AGBL1: variants seen among roughly 807,000 people sequenced by gnomAD.
The protein encoded by AGBL1 is cytosolic carboxypeptidase 4.
In AGBL1, 130 loss-of-function variants were observed where a neutral mutation model predicts 118.9. The observed-to-expected ratio is 1.09, with a 90% confidence interval of 0.95 to 1.26. The LOEUF is 1.26. AGBL1 is among the 50% of genes most tolerant of loss of function. The pLI is 0.00. For missense variants in AGBL1, 1,584 were observed against 1,298.1 expected (o/e 1.22, Z -3.38); for synonymous variants, 555 against 478.9 (o/e 1.16, Z -2.08).
At chr15:86,093,895 A>G (rs1431427029) in intron 1 of AGBL1, among the ~76,000 whole-genome samples, 2 of 152,194 alleles carry the variant, frequency 1.3e-5, no homozygotes, top group Non-Finnish European at 2.9e-5. Context: ...ATAATATTCT[A>G]TGACAATAGC....
intron 22 of AGBL1, among the ~76,000 whole-genome samples, chr15:86,709,726 T>C (rs1468534138): frequency 6.6e-6 from 1 of 152,164 alleles, no homozygotes; most frequent in Non-Finnish European, 1.5e-5. Flanking sequence ...ATGGAAACCA[T>C]ATGGATGTTA....
intron 22 of AGBL1, among the ~76,000 whole-genome samples, chr15:86,898,179 C>T (rs1368111870): frequency 4.6e-5 from 7 of 152,160 alleles, no homozygotes; most frequent in Non-Finnish European, 7.3e-5. Flanking sequence ...AATAAATACA[C>T]ATTTTTGGGA....
At chr15:86,781,065 A>T (rs1217746917) in intron 22 of AGBL1, among the ~76,000 whole-genome samples, 1 of 152,130 alleles carries the variant, frequency 6.6e-6, no homozygotes, top group Non-Finnish European at 1.5e-5. Flanking sequence ...TTCTGATGTT[A>T]TTGTAAATAG....
chr15:86,145,156 A>G (rs1410731846), intron 3 of AGBL1, among the ~76,000 whole-genome samples: 1 of 152,164 alleles, frequency 6.6e-6, no homozygotes, highest in Admixed American at 6.5e-5. Context: ...TCTAATTTGT[A>G]ATAAAATCTG....
At chr15:86,681,555 G>A (rs911290876) in intron 22 of AGBL1, among the ~76,000 whole-genome samples, 2 of 152,138 alleles carry the variant, frequency 1.3e-5, no homozygotes, top group Non-Finnish European at 2.9e-5. Context: ...ACCACCTCTA[G>A]GTTGTGCTTC....
In AGBL1 at chr15:86,390,760, A is replaced by T. The variant is rs570855680; in HGVS notation, c.2375-6606A>T. Among the ~76,000 whole-genome samples the T allele has an allele frequency of 3.7e-5, 5 of 134,184 alleles. No homozygotes were observed. In the South Asian group the frequency reaches 9.5e-4, roughly 26 times the overall value. The allele number at this position is 134,184 out of a possible 152,430, so 88.0% of individuals were successfully genotyped here. The stretch of plus-strand genomic sequence containing the variant: ...TCTTGGCTCACTGCAAACTCCGCCT[A>T]TTGAGTTCTAGCGATTCTCCTGCCT... On this transcript the variant is annotated intron_variant, in intron 17 of 22. Transcript: ENST00000614907.
intron 22 of AGBL1, among the ~76,000 whole-genome samples, chr15:86,867,258 C>T (rs1347770416): frequency 3.3e-5 from 5 of 152,172 alleles, no homozygotes; most frequent in East Asian, 1.9e-4. Flanking sequence ...TCTTTACCCA[C>T]GTTGGTCACA....
At chr15:86,283,420 A>G (rs977040510) in intron 16 of AGBL1, among the ~76,000 whole-genome samples, 2 of 151,078 alleles carry the variant, frequency 1.3e-5, no homozygotes, top group Non-Finnish European at 3.0e-5. Context: ...AATTTTTACC[A>G]GACACATATA....
intron 21 of AGBL1, among the ~76,000 whole-genome samples, chr15:86,583,271 G>A (rs1004961070): frequency 3.3e-5 from 5 of 151,960 alleles, no homozygotes; most frequent in African/African-American, 1.2e-4. Flanking sequence ...CAAGGTACTG[G>A]TACCTAAAAT....
intron 5 of AGBL1, among the ~76,000 whole-genome samples, chr15:86,189,702 T>C (rs1313339905): frequency 6.6e-6 from 1 of 152,188 alleles, no homozygotes; most frequent in Middle Eastern, 3.2e-3. Flanking sequence ...AGAGGAAGCT[T>C]CTGGAAGCCC....
chr15:86,886,936 C>G (rs780950376), intron 22 of AGBL1, among the ~76,000 whole-genome samples: 7 of 152,052 alleles, frequency 4.6e-5, no homozygotes, highest in Non-Finnish European at 1.0e-4. Flanking sequence ...GTGTGTAATA[C>G]CAAGTCTCCA....
intron 23 of AGBL1, among the ~76,000 whole-genome samples, chr15:86,957,658 C>A (rs577453014): frequency 6.6e-6 from 1 of 152,136 alleles, no homozygotes; most frequent in Non-Finnish European, 1.5e-5. Flanking sequence ...TTTGAATGAT[C>A]TTTCAGAGTA....
intron 22 of AGBL1, among the ~76,000 whole-genome samples, chr15:86,857,766 C>A (rs1015058477): frequency 1.3e-5 from 2 of 152,196 alleles, no homozygotes; most frequent in Non-Finnish European, 2.9e-5. Flanking sequence ...ATCCCTGGCC[C>A]CCAGGATGGC....
At chr15:86,453,284 G>C (rs2082217961) in intron 18 of AGBL1, among the ~76,000 whole-genome samples, 1 of 152,194 alleles carries the variant, frequency 6.6e-6, no homozygotes, top group African/African-American at 2.4e-5. Context: ...AATATAGATA[G>C]CTATTCCCAC....
rs377029970 is a variant in AGBL1 at position 86,807,795 on chromosome 15, T to C, written c.3159-99292T>C. ...CCTATTGTCAAATAGGGAAAACAAA[T>C]CCTGACTTGTAGCACTTTTGTTATC... On this transcript the variant is annotated intron_variant, in intron 22 of 22. Transcript: ENST00000614907. Among the ~76,000 whole-genome samples, 85 of 152,256 alleles carry C rather than the reference T, an allele frequency of 5.6e-4. No individual in the cohort carries two copies. The East Asian group carries it at 0.01, about 19-fold the overall frequency.
intron 9 of AGBL1, among the ~76,000 whole-genome samples, chr15:86,261,920 C>T (rs940837724): frequency 1.3e-5 from 2 of 152,044 alleles, no homozygotes; most frequent in Non-Finnish European, 2.9e-5. Flanking sequence ...CTCCCCAGGT[C>T]TCATAAGGAT....
chr15:87,025,385 T>G (rs1403248501), intron 24 of AGBL1, among the ~76,000 whole-genome samples: 1 of 151,100 alleles, frequency 6.6e-6, no homozygotes, highest in South Asian at 2.1e-4. Flanking sequence ...TTAAAATAGC[T>G]GCAAAACAAA....
intron 18 of AGBL1, among the ~76,000 whole-genome samples, chr15:86,399,410 T>C (rs921359521): frequency 6.6e-6 from 1 of 152,156 alleles, no homozygotes; most frequent in Non-Finnish European, 1.5e-5. Flanking sequence ...CCAAGTTGGC[T>C]CTTTTCTGAA....
intron 22 of AGBL1, among the ~76,000 whole-genome samples, chr15:86,819,123 G>T (rs1270936634): frequency 1.3e-5 from 2 of 151,846 alleles, no homozygotes; most frequent in African/African-American, 2.4e-5. Context: ...TCCACAGGGA[G>T]CAGAAAAAGA....
Sources: gnomAD v4.1 joint callset for allele counts (sites outside exome capture counted in the v4.1 genomes callset) on GRCh38, gnomAD v4.1.1 for gene constraint, MANE v1.5 for transcripts, NCBI Gene and HGNC (gene_info 2026-07-23, HGNC 2026-07-21) for gene names.